The following CAND1 variants were observed in gnomAD, a reference collection of about 807,000 sequenced individuals.
The protein encoded by CAND1 is cullin-associated NEDD8-dissociated protein 1.
A neutral mutation model predicts 108.5 loss-of-function variants in CAND1; 7 were observed. That is an observed-to-expected ratio of 0.06 (90% CI 0.04 to 0.12). The LOEUF (loss-of-function observed/expected upper bound fraction) is 0.12, where lower values mean the gene tolerates loss of function less well. CAND1 is among the 10% of genes least tolerant of loss of function. CAND1 has a pLI of 1.00. For synonymous variants in CAND1, 534 were observed against 512.0 expected, an observed-to-expected ratio of 1.04 and a Z score of -0.58; for missense variants, 941 against 1,448.7, an observed-to-expected ratio of 0.65 and a Z score of 5.69.
chr12:67,294,988 C>A (rs181980365), intron 3 of CAND1, 45 bp from the exon 4 acceptor site: 50 of 1,587,624 alleles, frequency 3.1e-5, no homozygotes, highest in Non-Finnish European at 4.2e-5. Flanking sequence ...AGAGGGAATT[C>A]AACATGCTTG....
rs527409526 is a variant in CAND1, at chr12:67,299,301, A to G, written c.1000+206A>G. On this transcript the variant is annotated intron_variant, in intron 7 of 14. Transcript: ENST00000545606. ...AACACATTAAAAAATCATGTCTAAA[A>G]ATCATTCATTAATGCTGTTAATAAG... Among the ~76,000 whole-genome samples, 9 of 152,264 alleles carry G rather than the reference A, an allele frequency of 5.9e-5. No individual in the cohort carries two copies. In the Middle Eastern group the frequency reaches 0.01, roughly 173 times the overall value.
At chr12:67,279,125 A>G (rs7954999) in intron 1 of CAND1, among the ~76,000 whole-genome samples, 7,830 of 150,508 alleles carry the variant, frequency 0.052, 688 homozygotes, top group African/African-American at 0.18. Context: ...CACATACTGA[A>G]CTGTTTCCTT....
At chr12:67,311,077 C>T (rs1034220610) in intron 13 of CAND1, 3 of 151,924 alleles carry the variant, frequency 2.0e-5, no homozygotes, top group African/African-American at 7.3e-5. Flanking sequence ...GGTAACTCAG[C>T]AGTAATTGAG....
In CAND1 at chr12:67,305,738, T is replaced by A; in HGVS notation, c.2070T>A (p.Ile690=). 4 of 1,614,198 alleles carry A rather than the reference T, an allele frequency of 2.5e-6. No individual in the cohort carries two copies. The highest frequency in any genetic ancestry group is 1.6e-4 in the Middle Eastern group (1 of 6,062). ...GTGACAGCTTGACAGCTGCCATGAT[T>A]GATGCAGTTCTAGATGAGCTCCCAC... ...NYSDSLTAAM[I]DAVLDELPPL... The change falls in exon 10 of 15, where the codon ATT becomes ATA. Residue 690 remains isoleucine, a synonymous_variant. Coordinates refer to ENST00000545606, the MANE Select transcript of CAND1 (RefSeq NM_018448.5). This position sits in a 1 kb window ranked among gnomAD's most constrained non-coding sequence, Gnocchi z 4.4.
intron 8 of CAND1, 31 bp downstream of exon 8, chr12:67,302,646 T>C (rs1229302854): frequency 5.7e-6 from 9 of 1,565,732 alleles, no homozygotes; most frequent in South Asian, 2.3e-5. Flanking sequence ...TAGAAAATCA[T>C]GATAGTAAAT....
rs990762637 is a variant in CAND1, at chr12:67,305,920, C to T, written c.2252C>T (p.Ala751Val). The T allele has an allele frequency of 3.1e-6, 5 of 1,614,128 alleles. No individual in the cohort carries two copies. Among genetic ancestry groups the T allele is most frequent in the Non-Finnish European group, 3.4e-6 (4 of 1,179,984 alleles). ...LVRSPLLQGG[A>V]LSAMLDFFQA... is the part of the protein sequence containing the mutation. ...AGATCACCCTTATTGCAGGGGGGAG[C>T]TCTTAGTGCCATGCTAGACTTTTTC... Residue 751 changes from alanine to valine, a missense_variant, in exon 10 of 15, where the codon GCT becomes GTT. Physicochemically the swap from Ala to Val is moderately conservative, Grantham distance 64. Transcript: ENST00000545606. This position sits in a 1 kb window ranked among gnomAD's most constrained non-coding sequence, Gnocchi z 4.4.
chr12:67,310,447 A>G (rs1222932288), intron 13 of CAND1, 131 bp downstream of exon 13: 5 of 652,924 alleles, frequency 7.7e-6, no homozygotes, highest in African/African-American at 5.5e-5. Flanking sequence ...AGCATATTGT[A>G]AACTATAAAG....
At chr12:67,287,958 TGTGG>T (rs2044688048) in intron 2 of CAND1, among the ~76,000 whole-genome samples, 1 of 151,296 alleles carries the variant, frequency 6.6e-6, no homozygotes, top group Non-Finnish European at 1.5e-5. Context: ...TGAATTCTAC[TGTGG>T]TCAGGGCACC....
intron 1 of CAND1, among the ~76,000 whole-genome samples, chr12:67,277,979 C>T (rs11176668): frequency 0.19 from 28,793 of 152,072 alleles, 5,649 homozygotes; most frequent in African/African-American, 0.5. Flanking sequence ...TAAATCTGAT[C>T]ATTGCATTTA....
intron 1 of CAND1, among the ~76,000 whole-genome samples, chr12:67,275,264 C>T (rs536615650): frequency 3.7e-4 from 56 of 152,152 alleles, no homozygotes; most frequent in African/African-American, 1.2e-3. Context: ...TGGTGGCTCA[C>T]GACTGTAATT....
In CAND1 at chr12:67,307,359, A is replaced by G. The variant is rs976649184; in HGVS notation, c.2930-38A>G. 5.6e-6 allele frequency: 8 copies of G among 1,421,430 alleles called. No homozygotes were observed. In the Admixed American group the frequency reaches 1.4e-4, roughly 24 times the overall value. 88.1% of individuals were successfully genotyped at this position (1,421,430 alleles called of 1,614,324 possible). ...AAATGATGTCCGTGAGTTTTAGTGG[A>G]CTACATACCAATAGACTTGCAATTT... On this transcript the variant is annotated intron_variant, in intron 10 of 14. Coordinates refer to ENST00000545606, the MANE Select transcript of CAND1 (RefSeq NM_018448.5).
At position 67,292,791 on chromosome 12, in the gene CAND1, A is replaced by AT. The variant is rs753264872; in HGVS notation, c.367+20dup. 4.2e-5 allele frequency: 68 copies of AT among 1,611,128 alleles called. No individual in the cohort carries two copies. The East Asian group carries it at 1.4e-3, about 33-fold the overall frequency. On this transcript the variant is annotated intron_variant, in intron 3 of 14. Transcript: ENST00000545606. ...AGCTTCCAGTGGTAAGCAAGAGCACATTTTTCTTCCTATTTCTTTTTGTGT... is the reference window on the plus strand; with the variant it reads ...AGCTTCCAGTGGTAAGCAAGAGCACATTTTTTCTTCCTATTTCTTTTTGTGT...
chr12:67,305,455 T>C lies in CAND1; in HGVS notation c.1787T>C (p.Ile596Thr), dbSNP rs1176819456. ...KERAISCMGQ[I>T]ICNLGDNLGS... ...AGGGCTATTTCCTGTATGGGACAAA[T>C]TATTTGCAACCTTGGAGACAATTTG... Residue 596 changes from isoleucine to threonine, a missense_variant, in exon 10 of 15, where the codon ATT becomes ACT. By Grantham distance (89) the Ile-to-Thr change is moderately conservative (BLOSUM62 -1). Around this residue, in one of 9 missense-constraint regions of CAND1, gnomAD observed 697 missense variants for 942.0 expected, o/e 0.74. Coordinates refer to ENST00000545606, the MANE Select transcript of CAND1 (RefSeq NM_018448.5). This position sits in a 1 kb window ranked among gnomAD's most constrained non-coding sequence, Gnocchi z 4.4. 3 of 1,613,672 alleles carry C rather than the reference T, an allele frequency of 1.9e-6. No individual in the cohort carries two copies. The highest frequency in any genetic ancestry group is 2.5e-6 in the Non-Finnish European group (3 of 1,180,026).
intron 2 of CAND1, among the ~76,000 whole-genome samples, chr12:67,284,632 T>C (rs2044651004): frequency 8.1e-6 from 1 of 123,710 alleles, no homozygotes; most frequent in South Asian, 2.7e-4. Flanking sequence ...CTTGACAGAA[T>C]TCATCATCTG....
chr12:67,289,423 C>T (rs1034988455), intron 2 of CAND1, among the ~76,000 whole-genome samples: 3 of 152,100 alleles, frequency 2.0e-5, no homozygotes, highest in Non-Finnish European at 4.4e-5. Flanking sequence ...GGGTCTCAAC[C>T]TGTCACCCAG....
chr12:67,311,825 A>G, intron 14 of CAND1, 25 bp downstream of exon 14: 1 of 1,367,396 alleles, frequency 7.3e-7, no homozygotes, highest in Non-Finnish European at 1.0e-6. Flanking sequence ...GTATCAACCT[A>G]GGTCAGACTT....
rs902911807 is a variant in CAND1 at position 67,319,764 on chromosome 12, C to T, written c.*6934C>T. 6 of 152,208 alleles carry T rather than the reference C, an allele frequency of 3.9e-5. No individual in the cohort carries two copies. Among genetic ancestry groups the T allele is most frequent in the African/African-American group, 1.4e-4 (6 of 41,434 alleles). The allele number at this position is 152,208 out of a possible 1,614,324, so 9.4% of individuals were successfully genotyped here. A position where few individuals can be genotyped will look rare whatever the true frequency, so the allele number is the denominator to read the frequency against. On this transcript the variant is annotated 3_prime_UTR_variant, in exon 15 of 15. Coordinates refer to ENST00000545606, the MANE Select transcript of CAND1 (RefSeq NM_018448.5). ...CACTTGTCTGGACTAAAAGTAACCC[C>T]TCCTTGTCTGGTTTGTGACTTTCTG...
intron 4 of CAND1, among the ~76,000 whole-genome samples, chr12:67,296,503 C>T (rs2044771148): frequency 6.7e-6 from 1 of 150,082 alleles, no homozygotes; most frequent in African/African-American, 2.5e-5. Context: ...TCTGTGATCT[C>T]AGCTTACTGC....
At chr12:67,271,412 T>C (rs181968270) in intron 1 of CAND1, among the ~76,000 whole-genome samples, 73 of 152,314 alleles carry the variant, frequency 4.8e-4, no homozygotes, top group South Asian at 1.9e-3. Flanking sequence ...ATTCTGATTG[T>C]GGTCAATTTC....
Sources: allele counts gnomAD v4.1 joint callset (sites outside exome capture counted in the v4.1 genomes callset), GRCh38; gene constraint gnomAD v4.1.1; regional missense constraint gnomAD v4.1.1; non-coding constraint Gnocchi (gnomAD v3.1); transcripts MANE v1.5; gene names NCBI Gene and HGNC (gene_info 2026-07-23, HGNC 2026-07-21).